Variants in CERKL observed in about 807,000 individuals in gnomAD.
CERKL encodes ceramide kinase-like protein.
A neutral mutation model predicts 63.4 loss-of-function variants in CERKL; 61 were observed. The ratio of observed to expected loss-of-function variants is 0.96; its 90% CI spans 0.78 to 1.19. CERKL has a LOEUF of 1.19. Ranked by LOEUF, CERKL falls within the 50% of genes most tolerant of loss-of-function variation. The probability of loss-of-function intolerance (pLI) is 0.00; values close to 1 mark genes in which losing one functional copy is unlikely to be tolerated. For synonymous variants in CERKL, 250 were observed against 230.5 expected (o/e 1.08, Z -0.77); for missense variants, 675 against 655.5 (o/e 1.03, Z -0.33).
At chr2:181,544,262 C>T (rs1687631411) in intron 11 of CERKL, among the ~76,000 whole-genome samples, 1 of 152,116 alleles carries the variant, frequency 6.6e-6, no homozygotes, top group South Asian at 2.1e-4. Context: ...TACATATCTA[C>T]AGATCTATTT....
intron 4 of CERKL, among the ~76,000 whole-genome samples, chr2:181,560,441 C>A (rs1688391527): frequency 6.6e-6 from 1 of 152,130 alleles, no homozygotes; most frequent in African/African-American, 2.4e-5. Context: ...GAAATTTTGT[C>A]ATAATACATT....
chr2:181,617,449 A>ACTGAACAAAGTGAGTCAGTCT (rs1387216285), intron 1 of CERKL: 8 of 152,252 alleles, frequency 5.3e-5, no homozygotes, highest in African/African-American at 1.9e-4. Context: ...TGAGTCAGTC[A>ACTGAACAAAGTGAGTCAGTCT]CTAAGCAAAG....
chr2:181,561,608 T>C (rs1163865384), intron 4 of CERKL, among the ~76,000 whole-genome samples: 1 of 152,012 alleles, frequency 6.6e-6, no homozygotes, highest in African/African-American at 2.4e-5. Flanking sequence ...CAGGAGAAAT[T>C]TGCATTCTAT....
At chr2:181,565,172 GA>G (rs1015221270) in intron 4 of CERKL, among the ~76,000 whole-genome samples, 36 of 152,240 alleles carry the variant, frequency 2.4e-4, no homozygotes, top group African/African-American at 8.4e-4. Flanking sequence ...CAGTCTTTGG[GA>G]AGGTTAATGC....
intron 1 of CERKL, among the ~76,000 whole-genome samples, chr2:181,647,388 T>C (rs1315986066): frequency 6.6e-6 from 1 of 152,200 alleles, no homozygotes; most frequent in Non-Finnish European, 1.5e-5. Flanking sequence ...AGACAGCTTG[T>C]CAGCCCTCCG....
intron 1 of CERKL, among the ~76,000 whole-genome samples, chr2:181,652,920 A>G (rs1446457937): frequency 1.3e-5 from 2 of 152,056 alleles, no homozygotes; most frequent in African/African-American, 2.4e-5. Flanking sequence ...GACTACAGGC[A>G]TGTGCCACCA....
rs1688284324 is a variant in CERKL, at chr2:181,558,007, T to C, written c.820+559A>G. ...TCACTGTGGCATAGTCTATTCTAGA[T>C]GCTGAAAAATGGCAGTGAGTAGAAA... On this transcript the variant is annotated intron_variant, in intron 5 of 12. Transcript: ENST00000410087. The surrounding 1 kb of genome is among the most constrained non-coding windows in gnomAD (Gnocchi z 4.2). Among the ~76,000 whole-genome samples, 1 of 152,180 alleles carries C rather than the reference T, an allele frequency of 6.6e-6. No individual in the cohort carries two copies. Among genetic ancestry groups the C allele is most frequent in the Non-Finnish European group, 1.5e-5 (1 of 68,026 alleles).
chr2:181,600,511 A>G (rs1308517761), intron 2 of CERKL, among the ~76,000 whole-genome samples: 3 of 152,194 alleles, frequency 2.0e-5, no homozygotes, highest in African/African-American at 7.2e-5. Context: ...AAGTGAAGGG[A>G]TGGAGAAAGA....
intron 1 of CERKL, among the ~76,000 whole-genome samples, chr2:181,634,496 A>T (rs2105490619): frequency 6.6e-6 from 1 of 152,202 alleles, no homozygotes; most frequent in African/African-American, 2.4e-5. Context: ...AGGTGAAAAA[A>T]ATTTTTTCCA....
chr2:181,578,205 T>C (rs1422271809), intron 2 of CERKL, among the ~76,000 whole-genome samples: 1 of 151,884 alleles, frequency 6.6e-6, no homozygotes, highest in African/African-American at 2.4e-5. Context: ...CACGTATATA[T>C]ATACACACAT....
intron 8 of CERKL, 35 bp downstream of exon 8, chr2:181,548,510 A>G (rs761820123): frequency 8.5e-6 from 12 of 1,411,960 alleles, no homozygotes; most frequent in Non-Finnish European, 1.1e-5. Flanking sequence ...CTTTAAAGAT[A>G]CAGGTTATCT....
chr2:181,609,303 C>T (rs1466734237), intron 1 of CERKL, among the ~76,000 whole-genome samples: 1 of 137,914 alleles, frequency 7.3e-6, no homozygotes, highest in African/African-American at 2.7e-5. Context: ...CAATCAAAAT[C>T]TCCGTGGTAT....
intron 8 of CERKL, 178 bp downstream of exon 8, chr2:181,548,367 G>T (rs1687827858): frequency 1.6e-6 from 1 of 607,638 alleles, no homozygotes; most frequent in African/African-American, 1.9e-5. Context: ...AGGAAAAAGA[G>T]AAAAAGGCTG....
chr2:181,622,354 C>A (rs1346909887), intron 1 of CERKL, among the ~76,000 whole-genome samples: 2 of 152,112 alleles, frequency 1.3e-5, no homozygotes, highest in Non-Finnish European at 2.9e-5. Context: ...GAAGAGGCAT[C>A]CATTTTTATT....
At chr2:181,595,706 T>A (rs996260604) in intron 2 of CERKL, among the ~76,000 whole-genome samples, 91 of 152,312 alleles carry the variant, frequency 6.0e-4, no homozygotes, top group African/African-American at 2.1e-3. Flanking sequence ...CCTTAGTTTT[T>A]TCATTTATAA....
At chr2:181,651,248 G>A (rs756481723) in intron 1 of CERKL, among the ~76,000 whole-genome samples, 41 of 152,256 alleles carry the variant, frequency 2.7e-4, no homozygotes, top group African/African-American at 9.9e-4. Flanking sequence ...CAATATCCCT[G>A]ATGAACATAG....
intron 4 of CERKL, among the ~76,000 whole-genome samples, chr2:181,561,338 A>T (rs1004689774): frequency 6.6e-6 from 1 of 151,722 alleles, no homozygotes; most frequent in African/African-American, 2.4e-5. Context: ...TGAACCTGGG[A>T]GACAGAGGTT....
chr2:181,568,685 T>A (rs1258148380), intron 3 of CERKL, among the ~76,000 whole-genome samples: 20 of 144,772 alleles, frequency 1.4e-4, no homozygotes, highest in Admixed American at 9.0e-4. Context: ...TTTTTTTTTT[T>A]AATTTTTTTT....
At chr2:181,580,905 C>G (rs1684474950) in intron 2 of CERKL, among the ~76,000 whole-genome samples, 1 of 151,876 alleles carries the variant, frequency 6.6e-6, no homozygotes, top group African/African-American at 2.4e-5. Context: ...TTAGAAGTAC[C>G]AAAAAATGCC....
Sources: allele counts gnomAD v4.1 joint callset (sites outside exome capture counted in the v4.1 genomes callset), GRCh38; gene constraint gnomAD v4.1.1; non-coding constraint Gnocchi (gnomAD v3.1); transcripts MANE v1.5; gene names NCBI Gene and HGNC (gene_info 2026-07-23, HGNC 2026-07-21).